Variants in NFATC3 observed in about 807,000 individuals in gnomAD.
NFATC3 encodes nuclear factor of activated T cells 3.
In NFATC3, 46 loss-of-function variants were observed where a neutral mutation model predicts 98.6. That is an observed-to-expected ratio of 0.47 (90% CI 0.37 to 0.60). The LOEUF is 0.60. NFATC3 is among the 20% of genes least tolerant of loss of function. NFATC3 has a pLI of 0.00. For synonymous variants in NFATC3, 512 were observed against 472.2 expected (o/e 1.08, Z -1.09); for missense variants, 1,256 against 1,295.5 (o/e 0.97, Z 0.47).
At chr16:68,176,011 C>T (rs2039682052) in intron 6 of NFATC3, among the ~76,000 whole-genome samples, 1 of 151,536 alleles carries the variant, frequency 6.6e-6, no homozygotes, top group Non-Finnish European at 1.5e-5. Flanking sequence ...CGGAGCCTCG[C>T]TCTGTTACCC....
chr16:68,130,413 G>A (rs1408718932), intron 3 of NFATC3, among the ~76,000 whole-genome samples: 1 of 151,984 alleles, frequency 6.6e-6, no homozygotes, highest in East Asian at 1.9e-4. Flanking sequence ...GTGATGTTGA[G>A]CATTTTTTTA....
chr16:68,107,711 A>G (rs888946899), intron 1 of NFATC3, among the ~76,000 whole-genome samples: 1 of 152,018 alleles, frequency 6.6e-6, no homozygotes, highest in Non-Finnish European at 1.5e-5. Flanking sequence ...CGACAGAGTG[A>G]GACACTGTAT....
intron 3 of NFATC3, among the ~76,000 whole-genome samples, chr16:68,139,897 C>T (rs1411446761): frequency 1.3e-5 from 2 of 152,160 alleles, no homozygotes; most frequent in Admixed American, 1.3e-4. Context: ...AAATTCAGAT[C>T]TTTGTGAGAG....
At position 68,190,849 on chromosome 16, in the gene NFATC3, A is replaced by G; in HGVS notation, c.2180A>G (p.Gln727Arg). The G allele has an allele frequency of 6.2e-7, 1 of 1,614,222 alleles. No homozygotes were observed. The highest frequency in any genetic ancestry group is 1.7e-5 in the Admixed American group (1 of 60,026). The change falls in exon 9 of 10, where the codon CAG becomes CGG. Residue 727 changes from glutamine (Q) to arginine (R), a missense_variant. Coordinates refer to ENST00000346183, the MANE Select transcript of NFATC3 (RefSeq NM_173165.3). ...SLPVPHPAQTQRPSSDSGCSH... is the reference protein window; with the variant it reads ...SLPVPHPAQTRRPSSDSGCSH... ...CCTGTGCCTCATCCTGCTCAGACCCAGAGGCCTTCCTCTGATTCAGGGTGT... is the reference window on the plus strand; with the variant it reads ...CCTGTGCCTCATCCTGCTCAGACCCGGAGGCCTTCCTCTGATTCAGGGTGT...
At chr16:68,220,759 A>C (rs1283235419) in intron 9 of NFATC3, among the ~76,000 whole-genome samples, 2 of 148,492 alleles carry the variant, frequency 1.3e-5, no homozygotes, top group Non-Finnish European at 1.5e-5. Context: ...AAAAAATACA[A>C]AAAAAAAAAA....
intron 8 of NFATC3, among the ~76,000 whole-genome samples, chr16:68,187,381 TG>T (rs2040248002): frequency 6.6e-6 from 1 of 152,216 alleles, no homozygotes; most frequent in South Asian, 2.1e-4. Context: ...GCAGGGGGCC[TG>T]TTTCAACCCT....
chr16:68,195,037 A>C (rs2040602252), intron 9 of NFATC3, among the ~76,000 whole-genome samples: 1 of 151,294 alleles, frequency 6.6e-6, no homozygotes, highest in South Asian at 2.1e-4. Flanking sequence ...TGGATCACCT[A>C]AGGTCAGGAG....
In NFATC3 at chr16:68,228,782, C is replaced by T. The variant is rs1289935368; in HGVS notation, c.*2311C>T. ...GCAACTGGGCACGTGCTAGTACGCACCCCCTCCTACTCTAACTGTGCTAGC... is the reference window on the plus strand; with the variant it reads ...GCAACTGGGCACGTGCTAGTACGCATCCCCTCCTACTCTAACTGTGCTAGC... On this transcript the variant is annotated 3_prime_UTR_variant, in exon 10 of 10. Transcript: ENST00000346183. 1 of 152,508 alleles carries T rather than the reference C, an allele frequency of 6.6e-6. No homozygotes were observed. The highest frequency in any genetic ancestry group is 1.5e-5 in the Non-Finnish European group (1 of 68,046). The allele number at this position is 152,508 out of a possible 1,614,324, so 9.4% of individuals were successfully genotyped here.
intron 3 of NFATC3, among the ~76,000 whole-genome samples, chr16:68,148,664 G>T (rs1444430424): frequency 6.6e-6 from 1 of 152,126 alleles, no homozygotes. Flanking sequence ...TCTGAAAGTG[G>T]GATGTGAGGT....
chr16:68,193,060 A>C (rs1273237852), intron 9 of NFATC3, among the ~76,000 whole-genome samples: 2 of 152,092 alleles, frequency 1.3e-5, no homozygotes, highest in Non-Finnish European at 2.9e-5. Flanking sequence ...GGATGGTTGC[A>C]TCTGTATTGA....
chr16:68,224,630 T>C (rs1237880468), intron 9 of NFATC3: 1 of 147,798 alleles, frequency 6.8e-6, no homozygotes, highest in African/African-American at 2.5e-5. Flanking sequence ...CTGGCTGGGC[T>C]GCAGTGGCAC....
chr16:68,202,980 A>G (rs1413129998), intron 9 of NFATC3, among the ~76,000 whole-genome samples: 1 of 152,122 alleles, frequency 6.6e-6, no homozygotes, highest in African/African-American at 2.4e-5. Flanking sequence ...ACACTGGATA[A>G]CTCACGAATC....
chr16:68,172,025 A>C (rs558926619), intron 5 of NFATC3, among the ~76,000 whole-genome samples: 43 of 151,672 alleles, frequency 2.8e-4, no homozygotes, highest in Middle Eastern at 3.4e-3. Flanking sequence ...AGTAACAGCA[A>C]AAGTGTGTTC....
At chr16:68,152,915 G>T (rs552297549) in intron 3 of NFATC3, among the ~76,000 whole-genome samples, 2 of 152,082 alleles carry the variant, frequency 1.3e-5, no homozygotes, top group East Asian at 1.9e-4. Context: ...TCACACTACC[G>T]CTCAGGGCAG....
chr16:68,189,499 A>G (rs2040348793), intron 8 of NFATC3: 1 of 162,630 alleles, frequency 6.1e-6, no homozygotes, highest in Non-Finnish European at 1.4e-5. Flanking sequence ...TATTTCTGCA[A>G]AAACTGTCAC....
At chr16:68,176,350 C>CT (rs534346720) in intron 6 of NFATC3, among the ~76,000 whole-genome samples, 5,220 of 143,716 alleles carry the variant, frequency 0.036, 110 homozygotes, top group Middle Eastern at 0.051. Flanking sequence ...TGCTCAACAT[C>CT]TTTTTTTTTT....
At chr16:68,137,188 G>A (rs1213466804) in intron 3 of NFATC3, among the ~76,000 whole-genome samples, 3 of 152,016 alleles carry the variant, frequency 2.0e-5, no homozygotes, top group Non-Finnish European at 2.9e-5. Flanking sequence ...ACACAGACAC[G>A]TTGTGCAGCT....
rs1051730445 is a variant in NFATC3, at chr16:68,226,572, G to C, written c.*101G>C. 2 of 1,322,782 alleles carry C rather than the reference G, an allele frequency of 1.5e-6. No individual in the cohort carries two copies. The highest frequency in any genetic ancestry group is 2.0e-6 in the Non-Finnish European group (2 of 1,007,154). 81.9% of individuals were successfully genotyped at this position (1,322,782 alleles called of 1,614,324 possible). A position where few individuals can be genotyped will look rare whatever the true frequency, so the allele number is the denominator to read the frequency against. ...CTGCAGCCTTCAGGTCTGGGGCCAG[G>C]AGTGGGACCCACCATTTGTGGGGAA... On this transcript the variant is annotated 3_prime_UTR_variant, in exon 10 of 10. Transcript: ENST00000346183.
At chr16:68,199,219 T>A (rs111632263) in intron 9 of NFATC3, among the ~76,000 whole-genome samples, 18,173 of 150,912 alleles carry the variant, frequency 0.12, 1,234 homozygotes, top group South Asian at 0.2. Flanking sequence ...CTGTTTATTT[T>A]TTTTTTATTT....
Sources: allele counts gnomAD v4.1 joint callset (sites outside exome capture counted in the v4.1 genomes callset), GRCh38; gene constraint gnomAD v4.1.1; transcripts MANE v1.5; gene names NCBI Gene and HGNC (gene_info 2026-07-23, HGNC 2026-07-21).